Variants in RAB38 observed in about 807,000 individuals in gnomAD.
RAB38 encodes the protein RAB38, member RAS oncogene family.
Under a neutral mutation model 18.4 loss-of-function variants are expected in RAB38, and 15 were observed. The observed-to-expected ratio is 0.82, with a 90% CI of 0.55 to 1.26. The LOEUF is 1.26. RAB38 is among the 50% of genes most tolerant of loss of function. RAB38 has a pLI of 0.00. For synonymous variants in RAB38, 101 were observed against 104.4 expected, an observed-to-expected ratio of 0.97 and a Z score of 0.20; for missense variants, 294 against 267.4, an observed-to-expected ratio of 1.10 and a Z score of -0.69.
chr11:87,976,519 TTTA>T, the RAB38 span, among the ~76,000 whole-genome samples: 11 of 76 alleles, frequency 0.14, no homozygotes, highest in African/African-American at 0.24. Context: ...ATATTTATAT[TTTA>T]TATATATTTT....
At chr11:87,909,514 T>C in the RAB38 span, among the ~76,000 whole-genome samples, 1 of 152,054 alleles carries the variant, frequency 6.6e-6, no homozygotes, top group African/African-American at 2.4e-5. Flanking sequence ...ATACTATATA[T>C]AGTTAAAGTG....
the RAB38 span, among the ~76,000 whole-genome samples, chr11:87,954,338 C>A: frequency 6.6e-6 from 1 of 152,122 alleles, no homozygotes; most frequent in African/African-American, 2.4e-5. Context: ...CATAATTCCC[C>A]ATCTCCTCTC....
intron 2 of RAB38, among the ~76,000 whole-genome samples, chr11:88,137,326 T>C (rs12273077): frequency 0.022 from 3,324 of 152,174 alleles, 119 homozygotes; most frequent in African/African-American, 0.075. Flanking sequence ...TCTAATGAAA[T>C]AGATAATGCA....
intron 2 of RAB38, among the ~76,000 whole-genome samples, chr11:88,144,097 G>A (rs1942951405): frequency 6.6e-6 from 1 of 152,136 alleles, no homozygotes; most frequent in Non-Finnish European, 1.5e-5. Context: ...CTACAGACTG[G>A]TGGACATTAT....
chr11:87,905,404 T>C, the RAB38 span, among the ~76,000 whole-genome samples: 2 of 151,842 alleles, frequency 1.3e-5, no homozygotes, highest in Non-Finnish European at 2.9e-5. Context: ...CCTGTGTCTT[T>C]GCGTGTCTAC....
At chr11:88,022,448 T>C in the RAB38 span, among the ~76,000 whole-genome samples, 1 of 151,854 alleles carries the variant, frequency 6.6e-6, no homozygotes, top group Non-Finnish European at 1.5e-5. Flanking sequence ...CACAATAAGA[T>C]GCCCACTTTC....
the RAB38 span, among the ~76,000 whole-genome samples, chr11:88,071,013 C>G: frequency 6.6e-6 from 1 of 152,048 alleles, no homozygotes; most frequent in Non-Finnish European, 1.5e-5. Flanking sequence ...GACTGGGAGC[C>G]TAAGACTTAA....
At chr11:87,887,979 G>A in the RAB38 span, among the ~76,000 whole-genome samples, 1 of 151,840 alleles carries the variant, frequency 6.6e-6, no homozygotes, top group African/African-American at 2.4e-5. Flanking sequence ...CATTAGTGAT[G>A]CAGCATTTCT....
chr11:88,040,366 A>G, the RAB38 span, among the ~76,000 whole-genome samples: 1 of 152,008 alleles, frequency 6.6e-6, no homozygotes, highest in Admixed American at 6.6e-5. Flanking sequence ...CACCAGTCAT[A>G]TTGGATTATG....
At chr11:87,856,653 T>C in the RAB38 span, among the ~76,000 whole-genome samples, 1 of 152,162 alleles carries the variant, frequency 6.6e-6, no homozygotes, top group East Asian at 1.9e-4. Flanking sequence ...TCAAGGTGCC[T>C]TGGTCCCACT....
the RAB38 span, among the ~76,000 whole-genome samples, chr11:88,045,127 T>C: frequency 6.6e-6 from 1 of 152,298 alleles, no homozygotes; most frequent in Admixed American, 6.5e-5. Context: ...GCAGCAACCC[T>C]GAGATGCTTT....
At chr11:88,028,554 G>A in the RAB38 span, among the ~76,000 whole-genome samples, 2 of 152,182 alleles carry the variant, frequency 1.3e-5, 1 homozygote, top group Non-Finnish European at 2.9e-5. Context: ...GGAGCTGAAA[G>A]CCAAGGCTCG....
At chr11:88,026,674 G>T in the RAB38 span, among the ~76,000 whole-genome samples, 1 of 151,270 alleles carries the variant, frequency 6.6e-6, no homozygotes, top group African/African-American at 2.4e-5. Context: ...CACTGCACCC[G>T]GCCGTTTTCT....
chr11:88,056,295 GGAA>G, the RAB38 span, among the ~76,000 whole-genome samples: 1 of 152,178 alleles, frequency 6.6e-6, no homozygotes, highest in Non-Finnish European at 1.5e-5. Flanking sequence ...ATATGGGAAT[GGAA>G]GAAGATGTCT....
At chr11:87,958,624 T>C in the RAB38 span, among the ~76,000 whole-genome samples, 29 of 152,286 alleles carry the variant, frequency 1.9e-4, no homozygotes, top group African/African-American at 6.7e-4. Context: ...CCTAAAGATG[T>C]CCTTGACTTT....
the RAB38 span, among the ~76,000 whole-genome samples, chr11:87,827,609 T>C: frequency 1.8e-4 from 27 of 152,260 alleles, no homozygotes; most frequent in African/African-American, 6.5e-4. Context: ...GTGAGAGCCA[T>C]AGAAATAAAA....
chr11:88,150,025 A>G, intron 1 of RAB38, 70 bp from the exon 2 acceptor site: 1 of 1,479,530 alleles, frequency 6.8e-7, no homozygotes, highest in South Asian at 1.3e-5. Context: ...TAACTTCATG[A>G]AGCCTCCAAG....
At chr11:88,096,930 G>A in the RAB38 span, among the ~76,000 whole-genome samples, 1 of 151,288 alleles carries the variant, frequency 6.6e-6, no homozygotes, top group South Asian at 2.1e-4. Flanking sequence ...TTTCATATCT[G>A]TTTTATTTTG....
chr11:87,936,870 T>G, the RAB38 span, among the ~76,000 whole-genome samples: 107 of 152,242 alleles, frequency 7.0e-4, no homozygotes, highest in African/African-American at 2.4e-3. Flanking sequence ...GGAGGTTTTG[T>G]GTTTTGTTTT....
Sources: allele counts gnomAD v4.1 joint callset (sites outside exome capture counted in the v4.1 genomes callset), GRCh38; gene constraint gnomAD v4.1.1; transcripts MANE v1.5; gene names NCBI Gene and HGNC (gene_info 2026-07-23, HGNC 2026-07-21).